The following MYBPC1 variants were observed in gnomAD, a reference collection of about 807,000 sequenced individuals.
MYBPC1 encodes the protein myosin binding protein C1.
A neutral mutation model predicts 147.1 loss-of-function variants in MYBPC1; 52 were observed. The ratio of observed to expected loss-of-function variants is 0.35; its 90% CI spans 0.28 to 0.45. MYBPC1 has a LOEUF of 0.45. Ranked by LOEUF, MYBPC1 falls within the 20% of genes least tolerant of loss-of-function variation. MYBPC1 has a pLI of 1.00. For missense variants in MYBPC1, 1,228 were observed against 1,440.3 expected (o/e 0.85, Z 2.39); for synonymous variants, 477 against 475.9 (o/e 1.00, Z -0.03).
At position 101,616,120 on chromosome 12, in the gene MYBPC1, A is replaced by T. The variant is rs141290105; in HGVS notation, c.62-1082A>T. Among the ~76,000 whole-genome samples the T allele has an allele frequency of 5.2e-3, 788 of 152,302 alleles. 3 individuals are homozygous for T. The highest frequency in any genetic ancestry group is 8.0e-3 in the Non-Finnish European group (542 of 68,028). On this transcript the variant is annotated intron_variant, in intron 2 of 31. Transcript: ENST00000361466. ...ACCCTAAACAGTATAGAGAAGTATT[A>T]CTATGTGTCGAAATGAACGAAAACT...
In MYBPC1 at chr12:101,602,521, A is replaced by G. The variant is rs1880498696; in HGVS notation, c.25+7426A>G. Reference sequence around the variant, plus strand: ...CATGAGCCACCATGCCCGGACAGGTAAAGTGCTTAGAACAGGGCCTAACAT... The same window carrying G: ...CATGAGCCACCATGCCCGGACAGGTGAAGTGCTTAGAACAGGGCCTAACAT... On this transcript the variant is annotated intron_variant, in intron 1 of 31. Coordinates refer to ENST00000361466, the MANE Select transcript of MYBPC1 (RefSeq NM_002465.4). 2.0e-5 allele frequency among the ~76,000 whole-genome samples: 3 copies of G among 152,306 alleles called. No homozygotes were observed. The South Asian group carries it at 6.2e-4, about 32-fold the overall frequency.
At chr12:101,631,872 G>A (rs902762959) in intron 7 of MYBPC1, 149 bp from the exon 8 acceptor site, 31 of 1,341,914 alleles carry the variant, frequency 2.3e-5, no homozygotes, top group African/African-American at 4.3e-5. Flanking sequence ...GCGATTGCCC[G>A]GCTGTGTCCG....
intron 14 of MYBPC1, among the ~76,000 whole-genome samples, chr12:101,648,492 C>T (rs913769019): frequency 1.1e-4 from 16 of 152,180 alleles, no homozygotes. Context: ...ATATTGGCAA[C>T]TTACATGAAA....
chr12:101,628,582 C>T (rs1266011227), intron 5 of MYBPC1, among the ~76,000 whole-genome samples: 2 of 152,050 alleles, frequency 1.3e-5, no homozygotes, highest in Non-Finnish European at 2.9e-5. Context: ...AGTTGGCAAC[C>T]TATGCATTTT....
intron 1 of MYBPC1, among the ~76,000 whole-genome samples, chr12:101,608,588 AC>A (rs1883127650): frequency 3.3e-5 from 5 of 152,172 alleles, no homozygotes; most frequent in Admixed American, 3.3e-4. Flanking sequence ...GTGCCTCCCG[AC>A]CATTGCAACA....
chr12:101,653,891 AAG>A (rs869076483), intron 18 of MYBPC1, among the ~76,000 whole-genome samples: 747 of 57,900 alleles, frequency 0.013, 3 homozygotes, highest in Non-Finnish European at 0.023. Flanking sequence ...AAAGCAAAAA[AAG>A]AAAAATTACA....
At chr12:101,595,575 T>G (rs1282036081) in intron 1 of MYBPC1, among the ~76,000 whole-genome samples, 1 of 152,174 alleles carries the variant, frequency 6.6e-6, no homozygotes, top group Non-Finnish European at 1.5e-5. Flanking sequence ...CTTTTTTTAA[T>G]GGAAACATAT....
chr12:101,678,396 C>T lies in MYBPC1; in HGVS notation c.3246+158C>T, dbSNP rs73388484. 0.011 allele frequency among the ~76,000 whole-genome samples: 1,678 copies of T among 152,330 alleles called. 18 individuals carry two copies. Among genetic ancestry groups the T allele is most frequent in the African/African-American group, 0.038 (1,561 of 41,562 alleles). On this transcript the variant is annotated intron_variant, in intron 28 of 31. Coordinates refer to ENST00000361466, the MANE Select transcript of MYBPC1 (RefSeq NM_002465.4). Reference sequence around the variant, plus strand: ...GTGGTAGATTATTAGGCACACTATTCAGATGTAGTAGTAAAAAATGCTTAC... The same window carrying T: ...GTGGTAGATTATTAGGCACACTATTTAGATGTAGTAGTAAAAAATGCTTAC...
chr12:101,617,592 G>GTT (rs61669794), intron 3 of MYBPC1, among the ~76,000 whole-genome samples: 3 of 151,204 alleles, frequency 2.0e-5, no homozygotes, highest in Admixed American at 6.6e-5. Flanking sequence ...GAATTACCCG[G>GTT]TTTTTTTTTA....
At chr12:101,677,086 A>T (rs1054345102) in intron 26 of MYBPC1, 149 bp from the exon 27 acceptor site, 10 of 726,766 alleles carry the variant, frequency 1.4e-5, no homozygotes, top group Admixed American at 2.8e-5. Context: ...ACATTTTAAC[A>T]ACATATATTA....
chr12:101,670,483 G>A (rs1410460118), intron 24 of MYBPC1, 74 bp downstream of exon 24: 29 of 1,228,664 alleles, frequency 2.4e-5, no homozygotes, highest in Non-Finnish European at 3.3e-5. Context: ...AGGTACTCTA[G>A]CATTTAAGTT....
At chr12:101,603,537 C>T (rs1004091564) in intron 1 of MYBPC1, among the ~76,000 whole-genome samples, 2 of 152,066 alleles carry the variant, frequency 1.3e-5, no homozygotes, top group East Asian at 1.9e-4. Flanking sequence ...CCCCACCTGG[C>T]GTCAGGACTC....
intron 29 of MYBPC1, 48 bp from the exon 30 acceptor site, chr12:101,682,556 G>C: frequency 6.5e-7 from 1 of 1,547,416 alleles, no homozygotes; most frequent in Non-Finnish European, 8.9e-7. Flanking sequence ...AGGTAAGAAT[G>C]TCAACTGAGA....
chr12:101,690,463 C>CA (rs1182108884), downstream of MYBPC1, among the ~76,000 whole-genome samples: 1 of 152,160 alleles, frequency 6.6e-6, no homozygotes, highest in African/African-American at 2.4e-5. Flanking sequence ...AGCCCTAACT[C>CA]AAAGACTAAC....
At position 101,677,310 on chromosome 12, in the gene MYBPC1, T is replaced by C; in HGVS notation, c.3025T>C (p.Tyr1009His). The change falls in exon 27 of 32, where the codon TAC becomes CAC. Residue 1009 changes from tyrosine to histidine, a missense_variant. By Grantham distance (83) the Tyr-to-His change is moderately conservative. Coordinates refer to ENST00000361466, the MANE Select transcript of MYBPC1 (RefSeq NM_002465.4). ...ITELVIGNEY[Y>H]FRVFSENMCG... ...TGAATTGGTCATAGGGAATGAATAT[T>C]ACTTCCGGGTCTTTTCTGAAAACAT... The C allele has an allele frequency of 6.2e-7, 1 of 1,613,990 alleles. No homozygotes were observed. The highest frequency in any genetic ancestry group is 8.5e-7 in the Non-Finnish European group (1 of 1,179,896).
chr12:101,614,422 G>A (rs985871322), intron 1 of MYBPC1, 74 bp from the exon 2 acceptor site: 1 of 1,563,058 alleles, frequency 6.4e-7, no homozygotes, highest in South Asian at 1.1e-5. Flanking sequence ...AGCAGAAGCT[G>A]CCTGGGGCTG....
chr12:101,643,569 A>G (rs889224720), intron 11 of MYBPC1, among the ~76,000 whole-genome samples: 5 of 152,326 alleles, frequency 3.3e-5, no homozygotes, highest in Non-Finnish European at 7.4e-5. Context: ...CCTAAACAAT[A>G]GTATAATAAG....
At chr12:101,681,351 C>T (rs112642870) in intron 29 of MYBPC1, among the ~76,000 whole-genome samples, 6,142 of 151,678 alleles carry the variant, frequency 0.04, 199 homozygotes, top group South Asian at 0.15. Context: ...TCATTCTTAA[C>T]TGTATTATAT....
chr12:101,626,003 G>T (rs986401522), intron 3 of MYBPC1, among the ~76,000 whole-genome samples: 2 of 148,764 alleles, frequency 1.3e-5, no homozygotes, highest in African/African-American at 2.5e-5. Flanking sequence ...CAGGAGAATC[G>T]CTTGAACCCG....
Sources: allele counts gnomAD v4.1 joint callset (sites outside exome capture counted in the v4.1 genomes callset), GRCh38; gene constraint gnomAD v4.1.1; transcripts MANE v1.5; gene names NCBI Gene and HGNC (gene_info 2026-07-23, HGNC 2026-07-21).